The following DGKH variants were observed in gnomAD, a reference collection of about 807,000 sequenced individuals.
DGKH encodes diacylglycerol kinase eta, also known as DAG kinase eta.
Under a neutral mutation model 159.3 loss-of-function variants are expected in DGKH, and 90 were observed. The observed-to-expected ratio is 0.57, with a 90% CI of 0.48 to 0.67. The LOEUF (loss-of-function observed/expected upper bound fraction) is 0.67. Ranked by LOEUF, DGKH falls within the 30% of genes least tolerant of loss-of-function variation. DGKH has a pLI of 0.00. For synonymous variants in DGKH, 536 were observed against 553.8 expected (o/e 0.97, Z 0.45); for missense variants, 1,181 against 1,506.1 (o/e 0.78, Z 3.57).
At chr13:42,208,667 G>C (rs1036197503) in intron 21 of DGKH, among the ~76,000 whole-genome samples, 1 of 151,548 alleles carries the variant, frequency 6.6e-6, no homozygotes, top group Non-Finnish European at 1.5e-5. Flanking sequence ...TATTTAACAT[G>C]TTTTATTCCA....
At chr13:42,065,107 A>C (rs1882466434) in intron 1 of DGKH, among the ~76,000 whole-genome samples, 1 of 152,224 alleles carries the variant, frequency 6.6e-6, no homozygotes, top group African/African-American at 2.4e-5. Flanking sequence ...CGTGAAGGGC[A>C]CTTTTTCCAA....
rs150015107 is a variant in DGKH at position 42,082,716 on chromosome 13, G to A, written c.192+33751G>A. Among the ~76,000 whole-genome samples the A allele has an allele frequency of 1.3e-3, 191 of 152,282 alleles. 2 individuals carry two copies. The highest frequency in any genetic ancestry group is 8.9e-3 in the Admixed American group (136 of 15,300). On this transcript the variant is annotated intron_variant, in intron 1 of 29. Coordinates refer to ENST00000337343, the MANE Select transcript of DGKH (RefSeq NM_178009.5). Reference sequence around the variant, plus strand: ...GCTGTCTAAATTTACTAAGAGAAAGGCACTCCATATTGACATTTCTTGTAG... The same window carrying A: ...GCTGTCTAAATTTACTAAGAGAAAGACACTCCATATTGACATTTCTTGTAG...
chr13:42,070,689 C>G, intron 1 of DGKH: 1 of 1,612,308 alleles, frequency 6.2e-7, no homozygotes. Context: ...CCCGTAGCAG[C>G]TGATACATGA....
intron 1 of DGKH, among the ~76,000 whole-genome samples, chr13:42,106,983 G>T (rs1273686873): frequency 6.6e-6 from 1 of 152,196 alleles, no homozygotes; most frequent in Non-Finnish European, 1.5e-5. Context: ...AGCAGAGGTT[G>T]CAGTGAGCTG....
intron 1 of DGKH, among the ~76,000 whole-genome samples, chr13:42,074,770 A>T (rs1883197422): frequency 6.6e-6 from 1 of 152,120 alleles, no homozygotes. Flanking sequence ...ACACGTCTAC[A>T]TTTTAGCTGT....
intron 1 of DGKH, among the ~76,000 whole-genome samples, chr13:42,110,509 G>A (rs1389634463): frequency 6.6e-6 from 1 of 152,156 alleles, no homozygotes; most frequent in Non-Finnish European, 1.5e-5. Flanking sequence ...AAAATGTCAT[G>A]TGTGGGCAAA....
intron 20 of DGKH, among the ~76,000 whole-genome samples, chr13:42,204,902 G>C (rs1416834238): frequency 6.6e-6 from 1 of 152,044 alleles, no homozygotes; most frequent in Non-Finnish European, 1.5e-5. Flanking sequence ...TCTTTTTAAT[G>C]AGATGTCCCA....
intron 3 of DGKH, among the ~76,000 whole-genome samples, chr13:42,131,434 G>A (rs2137851339): frequency 6.6e-6 from 1 of 152,298 alleles, no homozygotes; most frequent in South Asian, 2.1e-4. Flanking sequence ...GATCAGCATT[G>A]AACGGGAGAC....
Position 42,229,274 on chromosome 13 carries a change from T to G in DGKH, c.*86T>G. 8.1e-7 allele frequency: 1 copy of G among 1,229,158 alleles called. No homozygotes were observed. Among genetic ancestry groups the G allele is most frequent in the Non-Finnish European group, 1.2e-6 (1 of 869,222 alleles). 76.1% of individuals were successfully genotyped at this position (1,229,158 alleles called of 1,614,324 possible). ...GCAAGTGGCTGTTCTTGTAGTTTTC[T>G]GCATAGATAAGTAAGCACCACTGAA... On this transcript the variant is annotated 3_prime_UTR_variant, in exon 30 of 30. Transcript: ENST00000337343.
chr13:42,131,863 T>C (rs1009106330), intron 3 of DGKH, among the ~76,000 whole-genome samples: 1 of 152,124 alleles, frequency 6.6e-6, no homozygotes, highest in Non-Finnish European at 1.5e-5. Flanking sequence ...GTACAAAGAG[T>C]AGGGGACAGC....
rs1193563296 is a variant in DGKH, at chr13:42,234,638, A to G, written c.*5450A>G. ...TACAAGTGGCAGTTTTAAAACACCA[A>G]ATTCTTTAGATCAGCTGAAAAGAAG... On this transcript the variant is annotated 3_prime_UTR_variant, in exon 30 of 30. Transcript: ENST00000337343. 1.3e-5 allele frequency: 2 copies of G among 152,186 alleles called. No homozygotes were observed. Among genetic ancestry groups the G allele is most frequent in the Non-Finnish European group, 2.9e-5 (2 of 68,032 alleles). The allele number at this position is 152,186 out of a possible 1,614,324, so 9.4% of individuals were successfully genotyped here.
intron 1 of DGKH, among the ~76,000 whole-genome samples, chr13:42,127,037 T>C (rs901716234): frequency 6.6e-6 from 1 of 152,188 alleles, no homozygotes; most frequent in African/African-American, 2.4e-5. Flanking sequence ...AATAAAGCCA[T>C]GAAGAAGTTT....
At chr13:42,115,393 A>G (rs1209421582) in intron 1 of DGKH, among the ~76,000 whole-genome samples, 1 of 152,122 alleles carries the variant, frequency 6.6e-6, no homozygotes, top group Non-Finnish European at 1.5e-5. Context: ...TCACTGAGAA[A>G]CTCAGTCCTA....
At chr13:42,138,989 A>C (rs886674859) in intron 3 of DGKH, among the ~76,000 whole-genome samples, 3 of 152,160 alleles carry the variant, frequency 2.0e-5, no homozygotes, top group African/African-American at 7.2e-5. Flanking sequence ...CTATCTTAGA[A>C]ATTAGGGGCT....
chr13:42,178,524 A>T lies in DGKH; in HGVS notation c.1538+304A>T, dbSNP rs544496207. Among the ~76,000 whole-genome samples, 5 of 152,364 alleles carry T rather than the reference A, an allele frequency of 3.3e-5. No individual in the cohort carries two copies. The South Asian group carries it at 1.0e-3, about 32-fold the overall frequency. ...TTTAAGGAAATGTTTATGATTACTT[A>T]TAATATGGAAAACACATTTCATTAT... On this transcript the variant is annotated intron_variant, in intron 13 of 29. Transcript: ENST00000337343.
At chr13:42,256,336 C>G (rs1958657197) in exon 31 of DGKH, 1 of 1,590,660 alleles carries the variant, frequency 6.3e-7, no homozygotes, top group African/African-American at 1.3e-5. Flanking sequence ...CAGAAAGGAT[C>G]AACAAGCTGA....
chr13:42,137,026 T>C (rs1955416056), intron 3 of DGKH, among the ~76,000 whole-genome samples: 1 of 152,194 alleles, frequency 6.6e-6, no homozygotes, highest in Non-Finnish European at 1.5e-5. Flanking sequence ...GTTTTAGTGG[T>C]ACAGAACAAA....
At chr13:42,166,954 C>A (rs1011787040) in intron 9 of DGKH, among the ~76,000 whole-genome samples, 1 of 151,922 alleles carries the variant, frequency 6.6e-6, no homozygotes, top group Non-Finnish European at 1.5e-5. Flanking sequence ...GATCAACTTG[C>A]GTAAATATAG....
intron 1 of DGKH, among the ~76,000 whole-genome samples, chr13:42,085,786 G>A (rs534047429): frequency 6.6e-6 from 1 of 152,106 alleles, no homozygotes; most frequent in African/African-American, 2.4e-5. Context: ...GAAAATCCAG[G>A]TATGTTTGAA....
Sources: allele counts gnomAD v4.1 joint callset (sites outside exome capture counted in the v4.1 genomes callset), GRCh38; gene constraint gnomAD v4.1.1; transcripts MANE v1.5; gene names NCBI Gene and HGNC (gene_info 2026-07-23, HGNC 2026-07-21).